Variants in TNR observed in about 807,000 individuals in gnomAD.
TNR encodes the protein tenascin R.
A neutral mutation model predicts 150.4 loss-of-function variants in TNR; 45 were observed. That is an observed-to-expected ratio of 0.30 (90% CI 0.24 to 0.38). The LOEUF (loss-of-function observed/expected upper bound fraction) is 0.38. TNR is among the 10% of genes least tolerant of loss of function. The pLI is 1.00. For missense variants in TNR, 1,544 were observed against 1,759.1 expected, an observed-to-expected ratio of 0.88 and a Z score of 2.19; for synonymous variants, 687 against 678.4, an observed-to-expected ratio of 1.01 and a Z score of -0.20.
intron 2 of TNR, among the ~76,000 whole-genome samples, chr1:175,488,919 G>A (rs1658126023): frequency 6.6e-6 from 1 of 152,182 alleles, no homozygotes; most frequent in Non-Finnish European, 1.5e-5. Context: ...TTGGAGTAAA[G>A]GAACAGTAAT....
intron 1 of TNR, among the ~76,000 whole-genome samples, chr1:175,642,671 C>T (rs1664700459): frequency 6.6e-6 from 1 of 152,116 alleles, no homozygotes; most frequent in Non-Finnish European, 1.5e-5. Flanking sequence ...GTGTCTCACA[C>T]CTGTAATCCC....
chr1:175,485,464 G>T (rs576684019), intron 2 of TNR, among the ~76,000 whole-genome samples: 133 of 152,296 alleles, frequency 8.7e-4, no homozygotes, highest in Non-Finnish European at 1.4e-3. Context: ...AAGGGTTTGG[G>T]GTGGGGTGGG....
At chr1:175,654,611 C>T (rs1001340916) in intron 1 of TNR, among the ~76,000 whole-genome samples, 6 of 151,802 alleles carry the variant, frequency 4.0e-5, no homozygotes, top group African/African-American at 1.2e-4. Context: ...AAGTTCTTCT[C>T]GCTTCTTGAA....
rs901093166 is a variant in TNR at position 175,406,445 on chromosome 1, C to G, written c.270G>C (p.Glu90Asp). The change falls in exon 3 of 23, where the codon GAG becomes GAC. Residue 90 changes from glutamate to aspartate, a missense_variant. Physicochemically the swap from Glu to Asp is conservative, Grantham distance 45. Coordinates refer to ENST00000367674, the MANE Select transcript of TNR (RefSeq NM_003285.3). ...CCAGAGTCTCGTCTTCTGCACTCAC[C>G]TCCTGCTCAGCAGAGGCCTCTAGCC... Reference protein sequence around the residue: ...SSGLEASAEQEVSAEDETLAE... With the variant: ...SSGLEASAEQDVSAEDETLAE... 2 of 1,614,182 alleles carry G rather than the reference C, an allele frequency of 1.2e-6. No homozygotes were observed. Among genetic ancestry groups the G allele is most frequent in the Admixed American group, 3.3e-5 (2 of 60,012 alleles).
intron 2 of TNR, among the ~76,000 whole-genome samples, chr1:175,495,867 C>A (rs1658466499): frequency 6.6e-6 from 1 of 152,228 alleles, no homozygotes; most frequent in Non-Finnish European, 1.5e-5. Context: ...CAAACTGTAT[C>A]TTTTCGAATT....
intron 18 of TNR, among the ~76,000 whole-genome samples, chr1:175,346,555 C>A (rs879812813): frequency 6.6e-6 from 1 of 150,382 alleles, no homozygotes; most frequent in African/African-American, 2.4e-5. Flanking sequence ...GAAGTAAAGA[C>A]AGAATATGAA....
chr1:175,341,713 A>G (rs1427186684), intron 18 of TNR, among the ~76,000 whole-genome samples: 1 of 152,254 alleles, frequency 6.6e-6, no homozygotes, highest in South Asian at 2.1e-4. Context: ...CCTCAGCATC[A>G]GGACTGAAGC....
intron 1 of TNR, among the ~76,000 whole-genome samples, chr1:175,650,633 CAAT>C: frequency 6.7e-6 from 1 of 149,692 alleles, no homozygotes; most frequent in Non-Finnish European, 1.5e-5. Context: ...TCCCCCACCT[CAAT>C]ATTACCCATC....
intron 18 of TNR, among the ~76,000 whole-genome samples, chr1:175,346,164 C>T (rs750697181): frequency 4.6e-5 from 7 of 152,118 alleles, no homozygotes; most frequent in African/African-American, 1.4e-4. Flanking sequence ...AAATCCATTA[C>T]TGAAAATTTA....
chr1:175,631,176 A>G (rs187614910), intron 1 of TNR, among the ~76,000 whole-genome samples: 1 of 152,326 alleles, frequency 6.6e-6, no homozygotes, highest in East Asian at 1.9e-4. Flanking sequence ...ATATGTGTGC[A>G]TGCAGATCTA....
intron 1 of TNR, among the ~76,000 whole-genome samples, chr1:175,610,816 C>G (rs1212329110): frequency 6.6e-6 from 1 of 152,244 alleles, no homozygotes; most frequent in Non-Finnish European, 1.5e-5. Flanking sequence ...ATAGACCATG[C>G]CCTCTAACTT....
chr1:175,472,785 G>A (rs1458416268), intron 2 of TNR, among the ~76,000 whole-genome samples: 1 of 152,166 alleles, frequency 6.6e-6, no homozygotes, highest in Non-Finnish European at 1.5e-5. Flanking sequence ...GGTTCCATTT[G>A]GGTCCTTGAT....
At chr1:175,725,707 A>G (rs1223902868) in intron 1 of TNR, among the ~76,000 whole-genome samples, 2 of 152,254 alleles carry the variant, frequency 1.3e-5, no homozygotes, top group Non-Finnish European at 2.9e-5. Flanking sequence ...TTAAGGTGCT[A>G]GCAGGTTAGA....
chr1:175,574,023 T>A (rs1661996286), intron 1 of TNR, among the ~76,000 whole-genome samples: 2 of 152,190 alleles, frequency 1.3e-5, no homozygotes, highest in Admixed American at 1.3e-4. Context: ...GGAGATCAGA[T>A]CCCAGTTGTT....
intron 1 of TNR, among the ~76,000 whole-genome samples, chr1:175,680,501 A>T (rs2101909845): frequency 6.6e-6 from 1 of 152,290 alleles, no homozygotes; most frequent in Admixed American, 6.5e-5. Flanking sequence ...TAGAGAAGAG[A>T]TGCTGGCAGG....
At chr1:175,534,106 C>T (rs1166068941) in intron 1 of TNR, among the ~76,000 whole-genome samples, 3 of 152,216 alleles carry the variant, frequency 2.0e-5, no homozygotes, top group Admixed American at 1.3e-4. Context: ...TGCAGCAAAT[C>T]CCTAACTTAT....
intron 2 of TNR, among the ~76,000 whole-genome samples, chr1:175,432,663 C>T (rs1218185362): frequency 6.6e-6 from 1 of 151,796 alleles, no homozygotes; most frequent in Non-Finnish European, 1.5e-5. Flanking sequence ...GCTCCTCTTG[C>T]TGAGTATTTT....
At chr1:175,669,139 G>A (rs146808516) in intron 1 of TNR, among the ~76,000 whole-genome samples, 2 of 152,334 alleles carry the variant, frequency 1.3e-5, no homozygotes, top group Admixed American at 6.5e-5. Flanking sequence ...AGCAGTGAGA[G>A]ATAATTCATT....
intron 18 of TNR, among the ~76,000 whole-genome samples, chr1:175,348,763 A>G (rs1650916320): frequency 6.6e-6 from 1 of 152,218 alleles, no homozygotes; most frequent in South Asian, 2.1e-4. Flanking sequence ...ATACCAGTAT[A>G]AAATAGGCTA....
Sources: gnomAD v4.1 joint callset for allele counts (sites outside exome capture counted in the v4.1 genomes callset) on GRCh38, gnomAD v4.1.1 for gene constraint, MANE v1.5 for transcripts, NCBI Gene and HGNC (gene_info 2026-07-23, HGNC 2026-07-21) for gene names.